Variants in MCPH1 observed in about 807,000 individuals in gnomAD.
MCPH1 encodes the protein microcephalin 1.
Under a neutral mutation model 84.5 loss-of-function variants are expected in MCPH1, and 104 were observed. That is an observed-to-expected ratio of 1.23 (90% CI 1.05 to 1.45). The LOEUF (loss-of-function observed/expected upper bound fraction) is 1.45. Among genes scored for constraint, MCPH1 ranks in the 40% most tolerant of loss-of-function variants. MCPH1 has a pLI of 0.00. For synonymous variants in MCPH1, 514 were observed against 366.8 expected, an observed-to-expected ratio of 1.40 and a Z score of -4.58; for missense variants, 1,498 against 1,005.7, an observed-to-expected ratio of 1.49 and a Z score of -6.62.
intron 11 of MCPH1, among the ~76,000 whole-genome samples, chr8:6,496,223 A>G (rs961554867): frequency 6.6e-6 from 1 of 152,158 alleles, no homozygotes; most frequent in Non-Finnish European, 1.5e-5. Flanking sequence ...TTAGATTCTC[A>G]TAAGGAGCAT....
intron 12 of MCPH1, among the ~76,000 whole-genome samples, chr8:6,515,436 A>C (rs1036639626): frequency 1.3e-5 from 2 of 152,186 alleles, no homozygotes; most frequent in African/African-American, 4.8e-5. Flanking sequence ...CAAGGGCATG[A>C]CTTCACGCTT....
At chr8:6,466,523 G>C (rs1806968912) in intron 9 of MCPH1, among the ~76,000 whole-genome samples, 1 of 152,200 alleles carries the variant, frequency 6.6e-6, no homozygotes, top group Admixed American at 6.5e-5. Context: ...TAGCCAGGAT[G>C]GTCTCACTCT....
chr8:6,641,259 G>T (rs1029255568), intron 13 of MCPH1, among the ~76,000 whole-genome samples: 1 of 151,832 alleles, frequency 6.6e-6, no homozygotes, highest in African/African-American at 2.4e-5. Context: ...AAAACTAAGT[G>T]TAAAAATTGA....
At chr8:6,595,435 A>C (rs1586743752) in intron 12 of MCPH1, among the ~76,000 whole-genome samples, 1 of 152,338 alleles carries the variant, frequency 6.6e-6, no homozygotes, top group East Asian at 1.9e-4. Context: ...TTGGCCAAGT[A>C]GATGCAGGGG....
At chr8:6,477,674 C>G in intron 10 of MCPH1, 43 bp downstream of exon 10, 1 of 1,540,272 alleles carries the variant, frequency 6.5e-7, no homozygotes, top group Non-Finnish European at 9.0e-7. Context: ...AAATGTTAAC[C>G]TTTTCTCTCT....
At chr8:6,569,989 T>C (rs1396340866) in intron 12 of MCPH1, among the ~76,000 whole-genome samples, 1 of 152,242 alleles carries the variant, frequency 6.6e-6, no homozygotes, top group Non-Finnish European at 1.5e-5. Context: ...AGATCATTAA[T>C]GCAGAGCTGA....
At chr8:6,493,257 C>G (rs1810854101) in intron 11 of MCPH1, among the ~76,000 whole-genome samples, 1 of 152,086 alleles carries the variant, frequency 6.6e-6, no homozygotes, top group Non-Finnish European at 1.5e-5. Context: ...GCAGTTAAGC[C>G]TTAACATCGA....
At chr8:6,580,684 A>T (rs779258695) in intron 12 of MCPH1, among the ~76,000 whole-genome samples, 16 of 152,166 alleles carry the variant, frequency 1.1e-4, no homozygotes, top group Middle Eastern at 3.2e-3. Context: ...AAAACAAAAA[A>T]AAACTCAGAG....
intron 12 of MCPH1, among the ~76,000 whole-genome samples, chr8:6,543,672 T>C (rs182229664): frequency 1.6e-3 from 244 of 152,344 alleles, no homozygotes; most frequent in Middle Eastern, 6.8e-3. Context: ...TCATAACCGC[T>C]GAAGTTCGTG....
At chr8:6,537,409 A>T (rs138951936) in intron 12 of MCPH1, among the ~76,000 whole-genome samples, 18 of 152,196 alleles carry the variant, frequency 1.2e-4, no homozygotes, top group African/African-American at 4.3e-4. Flanking sequence ...ATTGAGGGCC[A>T]CAGTGATCCT....
At chr8:6,427,907 C>T (rs760930677) in intron 3 of MCPH1, among the ~76,000 whole-genome samples, 1 of 151,712 alleles carries the variant, frequency 6.6e-6, no homozygotes, top group Non-Finnish European at 1.5e-5. Flanking sequence ...ATTCTCCTGA[C>T]TCAGCCTCCT....
chr8:6,406,823 C>G (rs1797764132), intron 1 of MCPH1, 134 bp downstream of exon 1: 2 of 852,432 alleles, frequency 2.3e-6, no homozygotes, highest in South Asian at 1.5e-5. Context: ...CCCCAGACCC[C>G]CTGCCGCCTC....
At chr8:6,481,644 T>G (rs1461919849) in intron 11 of MCPH1, among the ~76,000 whole-genome samples, 1 of 152,248 alleles carries the variant, frequency 6.6e-6, no homozygotes, top group African/African-American at 2.4e-5. Flanking sequence ...ATGCAAAAGC[T>G]ACACATGTAT....
chr8:6,527,633 T>C, intron 12 of MCPH1: 1 of 1,614,030 alleles, frequency 6.2e-7, no homozygotes, highest in Non-Finnish European at 8.5e-7. Context: ...CGAGAGGGAG[T>C]GTTCCAAGAG....
At chr8:6,569,256 C>G (rs1368783051) in intron 12 of MCPH1, among the ~76,000 whole-genome samples, 2 of 152,216 alleles carry the variant, frequency 1.3e-5, no homozygotes. Context: ...AAAAAATCTT[C>G]TTTCTGAAGG....
At chr8:6,525,706 C>G (rs1818202721) in intron 12 of MCPH1, among the ~76,000 whole-genome samples, 1 of 152,134 alleles carries the variant, frequency 6.6e-6, no homozygotes, top group Non-Finnish European at 1.5e-5. Flanking sequence ...AACTCATACA[C>G]CTGTAAAATC....
At chr8:6,480,558 T>G in intron 10 of MCPH1, 156 bp from the exon 11 acceptor site, 1 of 195,972 alleles carries the variant, frequency 5.1e-6, no homozygotes, top group African/African-American at 2.4e-5. Flanking sequence ...TTTCAAAGCA[T>G]TGATTATAAG....
chr8:6,624,324 C>G (rs2129581225), intron 13 of MCPH1, among the ~76,000 whole-genome samples: 1 of 152,338 alleles, frequency 6.6e-6, no homozygotes, highest in Non-Finnish European at 1.5e-5. Context: ...TTGGTAACAT[C>G]TGGGTATTGT....
chr8:6,419,779 G>A (rs1033768009), intron 3 of MCPH1, among the ~76,000 whole-genome samples: 3 of 152,108 alleles, frequency 2.0e-5, no homozygotes, highest in Non-Finnish European at 4.4e-5. Context: ...GATTACTGGT[G>A]TGAGCCACTG....
Sources: gnomAD v4.1 joint callset for allele counts (sites outside exome capture counted in the v4.1 genomes callset) on GRCh38, gnomAD v4.1.1 for gene constraint, MANE v1.5 for transcripts, NCBI Gene and HGNC (gene_info 2026-07-23, HGNC 2026-07-21) for gene names.